The following EGFR variants were observed in gnomAD, a reference collection of about 807,000 sequenced individuals.
EGFR encodes the protein epidermal growth factor receptor.
Under a neutral mutation model 143.0 loss-of-function variants are expected in EGFR, and 58 were observed. The observed-to-expected ratio is 0.41, with a 90% confidence interval of 0.33 to 0.50. EGFR has a LOEUF of 0.50. Ranked by LOEUF, EGFR falls within the 20% of genes least tolerant of loss-of-function variation. The pLI, the probability that EGFR is intolerant of heterozygous loss-of-function variation, is 0.39. For missense variants in EGFR, 1,307 were observed against 1,579.0 expected, an observed-to-expected ratio of 0.83 and a Z score of 2.92; for synonymous variants, 613 against 594.4, an observed-to-expected ratio of 1.03 and a Z score of -0.45.
intron 1 of EGFR, among the ~76,000 whole-genome samples, chr7:55,073,770 T>C (rs1216530024): frequency 6.6e-6 from 1 of 152,238 alleles, no homozygotes; most frequent in Admixed American, 6.5e-5. Context: ...ACAGCTCTTC[T>C]GACCTTATCA....
intron 1 of EGFR, among the ~76,000 whole-genome samples, chr7:55,098,246 C>T (rs1791593588): frequency 6.6e-6 from 1 of 152,092 alleles, no homozygotes; most frequent in Admixed American, 6.5e-5. Context: ...ACCTAAATAG[C>T]CTGTGTTTCT....
chr7:55,096,783 G>T (rs1562710884), intron 1 of EGFR, among the ~76,000 whole-genome samples: 2 of 152,166 alleles, frequency 1.3e-5, no homozygotes, highest in African/African-American at 4.8e-5. Context: ...CTGCCAGCTT[G>T]CAGGGGCGCA....
chr7:55,153,489 G>T (rs1331004292), intron 6 of EGFR, among the ~76,000 whole-genome samples: 1 of 152,182 alleles, frequency 6.6e-6, no homozygotes, highest in Non-Finnish European at 1.5e-5. Flanking sequence ...GACTTGGTTG[G>T]CCTGAGCTGT....
chr7:55,055,916 A>C (rs1204299373), intron 1 of EGFR, among the ~76,000 whole-genome samples: 3 of 152,044 alleles, frequency 2.0e-5, no homozygotes, highest in African/African-American at 7.3e-5. Flanking sequence ...AACATGCCTG[A>C]ATGCATGGAT....
chr7:55,133,793 C>G (rs550840730), intron 1 of EGFR, among the ~76,000 whole-genome samples: 2 of 152,198 alleles, frequency 1.3e-5, no homozygotes, highest in Non-Finnish European at 2.9e-5. Flanking sequence ...AGGAGCCACA[C>G]GGCCCTGAAG....
Position 55,191,730 on chromosome 7 carries a change from C to T in EGFR, c.2481C>T (p.Tyr827=). The T allele has an allele frequency of 6.2e-7, 1 of 1,613,958 alleles. No individual in the cohort carries two copies. Among genetic ancestry groups the T allele is most frequent in the Non-Finnish European group, 8.5e-7 (1 of 1,180,014 alleles). ...CTTCTCTGTTTCAGGGCATGAACTA[C>T]TTGGAGGACCGTCGCTTGGTGCACC... is the stretch of plus-strand genomic sequence containing the variant. The part of the protein sequence containing the change: ...WCVQIAKGMN[Y]LEDRRLVHRD... The change falls in exon 21 of 28, where the codon TAC becomes TAT. Residue 827 remains tyrosine, a synonymous_variant. Coordinates refer to ENST00000275493, the MANE Select transcript of EGFR (RefSeq NM_005228.5).
intron 1 of EGFR, among the ~76,000 whole-genome samples, 199 bp from the exon 2 acceptor site, chr7:55,142,087 A>T (rs1467431996): frequency 6.6e-6 from 1 of 152,168 alleles, no homozygotes; most frequent in East Asian, 1.9e-4. Flanking sequence ...TCCTTTAGTG[A>T]GAATTTGTAT....
intron 27 of EGFR, 159 bp downstream of exon 27, chr7:55,202,784 A>G (rs1177851031): frequency 1.4e-5 from 10 of 735,786 alleles, no homozygotes; most frequent in East Asian, 1.1e-4. Flanking sequence ...AGGAGCAGAT[A>G]AACACATGAC....
chr7:55,124,577 C>T (rs890210541), intron 1 of EGFR, among the ~76,000 whole-genome samples: 3 of 152,178 alleles, frequency 2.0e-5, no homozygotes, highest in Non-Finnish European at 2.9e-5. Context: ...TTAGATGGGG[C>T]ATAACTGATC....
At chr7:55,204,591 A>G (rs1788026730) in intron 27 of EGFR, among the ~76,000 whole-genome samples, 1 of 142,772 alleles carries the variant, frequency 7.0e-6, no homozygotes, top group Non-Finnish European at 1.5e-5. Flanking sequence ...CACACCACAC[A>G]TACACACACG....
Position 55,205,449 on chromosome 7 carries a change from C to T in EGFR, c.3465C>T (p.Ala1155=), listed in dbSNP as rs1788071835. 6.2e-7 allele frequency: 1 copy of T among 1,614,040 alleles called. No homozygotes were observed. The highest frequency in any genetic ancestry group is 2.2e-5 in the East Asian group (1 of 44,884). Residue 1155 remains alanine (A), a synonymous_variant, in exon 28 of 28, where the codon GCC becomes GCT. Transcript: ENST00000275493. The stretch of plus-strand genomic sequence containing the variant: ...TCAACAGCACATTCGACAGCCCTGC[C>T]CACTGGGCCCAGAAAGGCAGCCACC... The part of the protein sequence containing the change: ...TCVNSTFDSP[A]HWAQKGSHQI...
At chr7:55,157,093 C>A in intron 10 of EGFR, 1 of 804,644 alleles carries the variant, frequency 1.2e-6, no homozygotes. Flanking sequence ...GCCTTGGTGG[C>A]CCATAACCCC....
chr7:55,034,941 G>A (rs1787472798), intron 1 of EGFR, among the ~76,000 whole-genome samples: 2 of 152,138 alleles, frequency 1.3e-5, no homozygotes, highest in Non-Finnish European at 2.9e-5. Context: ...TTTGCAAGTG[G>A]GATGAAGGGT....
chr7:55,137,876 C>T (rs1794240147), intron 1 of EGFR, among the ~76,000 whole-genome samples: 1 of 152,178 alleles, frequency 6.6e-6, no homozygotes, highest in African/African-American at 2.4e-5. Flanking sequence ...GGGTTTCGAT[C>T]ATGACAGGAA....
intron 4 of EGFR, among the ~76,000 whole-genome samples, chr7:55,149,441 T>A (rs1490986698): frequency 6.6e-6 from 1 of 152,104 alleles, no homozygotes; most frequent in Admixed American, 6.5e-5. Flanking sequence ...ATTTCTAATG[T>A]AATAAGTAGG....
intron 1 of EGFR, among the ~76,000 whole-genome samples, chr7:55,046,913 A>T (rs1335541250): frequency 1.3e-5 from 2 of 152,204 alleles, no homozygotes; most frequent in African/African-American, 4.8e-5. Context: ...TCTAATTAAT[A>T]GTACAGTTCT....
intron 27 of EGFR, among the ~76,000 whole-genome samples, chr7:55,203,364 G>A (rs2128973716): frequency 7.4e-6 from 1 of 134,752 alleles, no homozygotes; most frequent in South Asian, 2.5e-4. Context: ...CATACACCAT[G>A]CATACATACA....
At chr7:55,085,747 C>T (rs1424153215) in intron 1 of EGFR, among the ~76,000 whole-genome samples, 2 of 152,112 alleles carry the variant, frequency 1.3e-5, no homozygotes, top group African/African-American at 2.4e-5. Context: ...TGGTGTGTAG[C>T]GGGTACCTTC....
rs1199274382 is a variant in EGFR, at chr7:55,210,125, C to A, written c.*4508C>A. 7 of 152,146 alleles carry A rather than the reference C, an allele frequency of 4.6e-5. No individual in the cohort carries two copies. The highest frequency in any genetic ancestry group is 1.0e-4 in the Non-Finnish European group (7 of 68,036). 9.4% of individuals were successfully genotyped at this position (152,146 alleles called of 1,614,324 possible). ...CACTGTTGTTACTACTAGAAAAATC[C>A]AGTTGCATGCCATACTCTCATCATC... On this transcript the variant is annotated 3_prime_UTR_variant, in exon 28 of 28. Coordinates refer to ENST00000275493, the MANE Select transcript of EGFR (RefSeq NM_005228.5).
Sources: allele counts gnomAD v4.1 joint callset (sites outside exome capture counted in the v4.1 genomes callset), GRCh38; gene constraint gnomAD v4.1.1; transcripts MANE v1.5; gene names NCBI Gene and HGNC (gene_info 2026-07-23, HGNC 2026-07-21).